Variants in ZNF462 observed in about 807,000 individuals in gnomAD.
ZNF462 encodes the protein zinc finger PBX1-interacting protein.
A neutral mutation model predicts 201.9 loss-of-function variants in ZNF462; 10 were observed. That is an observed-to-expected ratio of 0.05 (90% CI 0.03 to 0.08). ZNF462 has a LOEUF of 0.08. Ranked by LOEUF, ZNF462 falls within the 10% of genes least tolerant of loss-of-function variation. The pLI is 1.00. For synonymous variants in ZNF462, 1,227 were observed against 1,193.3 expected, an observed-to-expected ratio of 1.03 and a Z score of -0.58; for missense variants, 2,523 against 3,168.3, an observed-to-expected ratio of 0.80 and a Z score of 4.89.
intron 7 of ZNF462, among the ~76,000 whole-genome samples, chr9:106,951,781 C>T (rs186520741): frequency 1.2e-4 from 19 of 152,110 alleles, no homozygotes; most frequent in East Asian, 7.7e-4. Flanking sequence ...AGCCCCAATC[C>T]GGCACTCTCA....
chr9:106,923,450 A>G lies in ZNF462; in HGVS notation c.67A>G (p.Ile23Val), dbSNP rs575950829. 4 of 1,614,208 alleles carry G rather than the reference A, an allele frequency of 2.5e-6. No homozygotes were observed. The South Asian group carries it at 3.3e-5, about 13-fold the overall frequency. Residue 23 changes from isoleucine (I) to valine (V), a missense_variant, in exon 2 of 13, where the codon ATT becomes GTT. By Grantham distance (29) the Ile-to-Val change is conservative. This residue lies in a region of ZNF462 where 480 missense variants were observed against 544.4 expected (regional missense o/e 0.88). Coordinates refer to ENST00000277225, the MANE Select transcript of ZNF462 (RefSeq NM_021224.6). This position sits in a 1 kb window ranked among gnomAD's most constrained non-coding sequence, Gnocchi z 5.6. ...APSYEDLKAH[I>V]QDVHTAFLQP... ...GTCTTATGAAGATCTCAAGGCACAC[A>G]TTCAGGATGTCCACACGGCATTTCT...
rs1328506886 is a variant in ZNF462, at chr9:107,009,292, A to G, written c.7190-253A>G. The stretch of plus-strand genomic sequence containing the variant: ...GGCTCTTCAGTCAAGAAAGACCCAG[A>G]TTTTGTGATAGAAGCATTGGGGAGG... On this transcript the variant is annotated intron_variant, in intron 11 of 12. Coordinates refer to ENST00000277225, the MANE Select transcript of ZNF462 (RefSeq NM_021224.6). This position sits in a 1 kb window ranked among gnomAD's most constrained non-coding sequence, Gnocchi z 6.1. The G allele has an allele frequency of 4.4e-6, 2 of 451,424 alleles. No individual in the cohort carries two copies. The allele number at this position is 451,424 out of a possible 1,614,324, so 28.0% of individuals were successfully genotyped here. A position where few individuals can be genotyped will look rare whatever the true frequency, so the allele number is the denominator to read the frequency against.
rs188641227 is a variant in ZNF462, at chr9:106,984,866, G to A, written c.7056+457G>A. Among the ~76,000 whole-genome samples the A allele has an allele frequency of 1.8e-4, 28 of 152,336 alleles. No individual in the cohort carries two copies. Among genetic ancestry groups the A allele is most frequent in the African/African-American group, 6.5e-4 (27 of 41,590 alleles). On this transcript the variant is annotated intron_variant, in intron 10 of 12. Transcript: ENST00000277225. This position sits in a 1 kb window ranked among gnomAD's most constrained non-coding sequence, Gnocchi z 6.4. Reference sequence around the variant, plus strand: ...ATTTTAGCCTTTGCAGGCCTAAAATGTAGTCTTTGTGGCAATTAAGAAAGC... The same window carrying A: ...ATTTTAGCCTTTGCAGGCCTAAAATATAGTCTTTGTGGCAATTAAGAAAGC...
At chr9:106,861,894 TTACTTTCCGAGCC>T (rs1827077185), upstream of ZNF462, among the ~76,000 whole-genome samples, 1 of 152,222 alleles carries the variant, frequency 6.6e-6, no homozygotes, top group African/African-American at 2.4e-5. Flanking sequence ...GCGCTGATTG[TTACTTTCCGAGCC>T]TTTAGATGAT....
In ZNF462 at chr9:107,003,775, A is replaced by T. The variant is rs1487345326; in HGVS notation, c.7189+349A>T. On this transcript the variant is annotated intron_variant, in intron 11 of 12. Coordinates refer to ENST00000277225, the MANE Select transcript of ZNF462 (RefSeq NM_021224.6). This position sits in a 1 kb window ranked among gnomAD's most constrained non-coding sequence, Gnocchi z 4.4. The stretch of plus-strand genomic sequence containing the variant: ...GATGACACTGTAGAGCTCTAGAGGA[A>T]TGAGAATGAACTTCCAGTTGAATGC... Among the ~76,000 whole-genome samples, 2 of 152,120 alleles carry T rather than the reference A, an allele frequency of 1.3e-5. No individual in the cohort carries two copies. The highest frequency in any genetic ancestry group is 2.9e-5 in the Non-Finnish European group (2 of 68,026).
Position 106,963,937 on chromosome 9 carries a change from A to G in ZNF462, c.6428-8068A>G, listed in dbSNP as rs2131935611. Among the ~76,000 whole-genome samples the G allele has an allele frequency of 6.6e-6, 1 of 151,754 alleles. No homozygotes were observed. Among genetic ancestry groups the G allele is most frequent in the East Asian group, 1.9e-4 (1 of 5,144 alleles). ...GTGCCTCATGGAAGTGGCATCGTGC[A>G]GTATTTGTCCCTCTGTGACTGGCTT... On this transcript the variant is annotated intron_variant, in intron 7 of 12. Transcript: ENST00000277225. This position sits in a 1 kb window ranked among gnomAD's most constrained non-coding sequence, Gnocchi z 4.7.
chr9:106,971,323 A>G (rs1055902300), intron 7 of ZNF462, among the ~76,000 whole-genome samples: 1 of 151,878 alleles, frequency 6.6e-6, no homozygotes, highest in South Asian at 2.1e-4. Context: ...ACCTACAGGG[A>G]AGGGTATTCT....
At position 106,929,910 on chromosome 9, in the gene ZNF462, G is replaced by C; in HGVS notation, c.5847+151G>C. ...TAAGTCAATTAAACATTTCGAGCTTGATTATCTCCCATTCTGTGCTCACCC... is the reference window on the plus strand; with the variant it reads ...TAAGTCAATTAAACATTTCGAGCTTCATTATCTCCCATTCTGTGCTCACCC... On this transcript the variant is annotated intron_variant, in intron 3 of 12. Transcript: ENST00000277225. This position sits in a 1 kb window ranked among gnomAD's most constrained non-coding sequence, Gnocchi z 8.7. The C allele has an allele frequency of 1.4e-6, 1 of 707,228 alleles. No homozygotes were observed. The highest frequency in any genetic ancestry group is 2.3e-6 in the Non-Finnish European group (1 of 430,974). The allele number at this position is 707,228 out of a possible 1,614,324, so 43.8% of individuals were successfully genotyped here.
chr9:106,973,370 A>G (rs1315325324), intron 8 of ZNF462, among the ~76,000 whole-genome samples: 3 of 152,028 alleles, frequency 2.0e-5, no homozygotes, highest in Non-Finnish European at 4.4e-5. Flanking sequence ...CTGGGATTTG[A>G]TGGAACGTGT....
At position 106,929,726 on chromosome 9, in the gene ZNF462, A is replaced by G; in HGVS notation, c.5814A>G (p.Ala1938=). ...AGCTTTTGAGCAAGCAGAAATATGC[A>G]GATGGTGCTTTTGCAGATTTCAAAC... ...RKQLLSKQKY[A]DGAFADFKQE... The change falls in exon 3 of 13, where the codon GCA becomes GCG. Residue 1938 remains alanine (A), a synonymous_variant. Transcript: ENST00000277225. This position sits in a 1 kb window ranked among gnomAD's most constrained non-coding sequence, Gnocchi z 8.7. 6.2e-7 allele frequency: 1 copy of G among 1,613,996 alleles called. No homozygotes were observed. The highest frequency in any genetic ancestry group is 1.1e-5 in the South Asian group (1 of 91,038).
Position 106,925,407 on chromosome 9 carries a change from T to C in ZNF462, c.1495T>C (p.Trp499Arg). ...GTGTCACACGGGTACAACGTCAGAT[T>C]GGGATGCTGTGAATTCCCAGAGTGA... ...KQCHTGTTSD[W>R]DAVNSQSESI... Residue 499 changes from tryptophan to arginine, a missense_variant, in exon 3 of 13, where the codon TGG (tryptophan) becomes CGG (arginine). This residue lies in a region of ZNF462 where 383 missense variants were observed against 453.4 expected (regional missense o/e 0.84). Coordinates refer to ENST00000277225, the MANE Select transcript of ZNF462 (RefSeq NM_021224.6). The surrounding 1 kb of genome is among the most constrained non-coding windows in gnomAD (Gnocchi z 7.9). 1 of 1,614,216 alleles carries C rather than the reference T, an allele frequency of 6.2e-7. No individual in the cohort carries two copies. The highest frequency in any genetic ancestry group is 1.1e-5 in the South Asian group (1 of 91,086).
Position 106,932,588 on chromosome 9 carries a change from A to T in ZNF462, c.6116+39A>T, listed in dbSNP as rs1421974546. On this transcript the variant is annotated intron_variant, in intron 5 of 12. Coordinates refer to ENST00000277225, the MANE Select transcript of ZNF462 (RefSeq NM_021224.6). The surrounding 1 kb of genome is among the most constrained non-coding windows in gnomAD (Gnocchi z 6.8). Reference sequence around the variant, plus strand: ...GGGGGTCACTAGTGGTTACTGGGAGATGATGTCATAGTGGAAGGCACTAAG... The same window carrying T: ...GGGGGTCACTAGTGGTTACTGGGAGTTGATGTCATAGTGGAAGGCACTAAG... The T allele has an allele frequency of 1.2e-6, 2 of 1,613,872 alleles. No homozygotes were observed. The highest frequency in any genetic ancestry group is 1.1e-5 in the South Asian group (1 of 91,054).
In ZNF462 at chr9:106,927,725, A is replaced by G; in HGVS notation, c.3813A>G (p.Ser1271=). ...GAGCACTCAAATGTAGGCAGTGCTC[A>G]TATACCTCCCCCTACTTCTATGCAC... is the stretch of plus-strand genomic sequence containing the variant. ...KLRALKCRQC[S]YTSPYFYALR... The change falls in exon 3 of 13, where the codon TCA becomes TCG. Residue 1271 remains serine, a synonymous_variant. Transcript: ENST00000277225. The G allele has an allele frequency of 3.1e-6, 5 of 1,614,140 alleles. No individual in the cohort carries two copies. The highest frequency in any genetic ancestry group is 4.2e-6 in the Non-Finnish European group (5 of 1,180,034).
At position 106,972,282 on chromosome 9, in the gene ZNF462, G is replaced by T; in HGVS notation, c.6695+10G>T. 1 of 1,611,220 alleles carries T rather than the reference G, an allele frequency of 6.2e-7. No homozygotes were observed. Among genetic ancestry groups the T allele is most frequent in the Non-Finnish European group, 8.5e-7 (1 of 1,178,178 alleles). On this transcript the variant is annotated intron_variant, in intron 8 of 12. Coordinates refer to ENST00000277225, the MANE Select transcript of ZNF462 (RefSeq NM_021224.6). This position sits in a 1 kb window ranked among gnomAD's most constrained non-coding sequence, Gnocchi z 4.8. ...TTTACACAGGCTTTAAGTAAGTGAC[G>T]TAATGAACAGCTATGGAAAACAAGG...
At position 106,898,109 on chromosome 9, in the gene ZNF462, T is replaced by C. The variant is rs117883324; in HGVS notation, c.-30-25245T>C. On this transcript the variant is annotated intron_variant, in intron 1 of 12. Transcript: ENST00000277225. ...TATTTAATGTGCATGGAGTCCTCTC[T>C]TGAAACTTTGTTATTAAACTAAGTC... is the stretch of plus-strand genomic sequence containing the variant. Among the ~76,000 whole-genome samples, 199 of 152,356 alleles carry C rather than the reference T, an allele frequency of 1.3e-3. No homozygotes were observed. The East Asian group carries it at 0.014, about 10-fold the overall frequency.
chr9:106,960,391 G>T (rs1831775978), intron 7 of ZNF462, among the ~76,000 whole-genome samples: 1 of 152,096 alleles, frequency 6.6e-6, no homozygotes, highest in South Asian at 2.1e-4. Flanking sequence ...CTTGCCCACG[G>T]CCTGTGAGCT....
rs1267251936 is a variant in ZNF462 at position 106,902,728 on chromosome 9, C to T, written c.-30-20626C>T. ...TGTGCATAAAGATGTTCATAGTAACCTTGAATGATCTTTTTGTATTTCTGT... is the reference window on the plus strand; with the variant it reads ...TGTGCATAAAGATGTTCATAGTAACTTTGAATGATCTTTTTGTATTTCTGT... On this transcript the variant is annotated intron_variant, in intron 1 of 12. Coordinates refer to ENST00000277225, the MANE Select transcript of ZNF462 (RefSeq NM_021224.6). The surrounding 1 kb of genome is among the most constrained non-coding windows in gnomAD (Gnocchi z 4.2). 1.3e-5 allele frequency among the ~76,000 whole-genome samples: 2 copies of T among 152,018 alleles called. No homozygotes were observed. The highest frequency in any genetic ancestry group is 2.9e-5 in the Non-Finnish European group (2 of 67,990).
At position 106,924,015 on chromosome 9, in the gene ZNF462, T is replaced by A. The variant is rs1444924780; in HGVS notation, c.221-118T>A. 3 of 855,782 alleles carry A rather than the reference T, an allele frequency of 3.5e-6. No homozygotes were observed. Among genetic ancestry groups the A allele is most frequent in the Non-Finnish European group, 5.3e-6 (3 of 564,484 alleles). The allele number at this position is 855,782 out of a possible 1,614,324, so 53.0% of individuals were successfully genotyped here. ...ACTCTTCAAGGCCTCATCTTGAGAC[T>A]TCAGGCCTTTTGCATGTGATGTTTA... On this transcript the variant is annotated intron_variant, in intron 2 of 12. Transcript: ENST00000277225. The surrounding 1 kb of genome is among the most constrained non-coding windows in gnomAD (Gnocchi z 6.2).
chr9:106,924,726 A>T lies in ZNF462; in HGVS notation c.814A>T (p.Ile272Phe). The change falls in exon 3 of 13, where the codon ATC (isoleucine) becomes TTC (phenylalanine). Residue 272 changes from isoleucine (I) to phenylalanine (F), a missense_variant. Ile to Phe is a conservative substitution (Grantham distance 21). Transcript: ENST00000277225. This position sits in a 1 kb window ranked among gnomAD's most constrained non-coding sequence, Gnocchi z 6.2. ...MMKKHRSMVK[I>F]LSSLRQQQEG... is the part of the protein sequence containing the mutation. ...GAAGAAACACCGCAGTATGGTCAAG[A>T]TCCTTTCCAGTCTCAGACAGCAACA... is the stretch of plus-strand genomic sequence containing the variant. 6.2e-7 allele frequency: 1 copy of T among 1,614,078 alleles called. No individual in the cohort carries two copies. The highest frequency in any genetic ancestry group is 2.2e-5 in the East Asian group (1 of 44,878).
Sources: allele counts gnomAD v4.1 joint callset (sites outside exome capture counted in the v4.1 genomes callset), GRCh38; gene constraint gnomAD v4.1.1; regional missense constraint gnomAD v4.1.1; non-coding constraint Gnocchi (gnomAD v3.1); transcripts MANE v1.5; gene names NCBI Gene and HGNC (gene_info 2026-07-23, HGNC 2026-07-21).